The following SMYD4 variants were observed in gnomAD, a reference collection of about 807,000 sequenced individuals.
SMYD4 encodes the protein protein-lysine N-methyltransferase SMYD4.
A neutral mutation model predicts 72.8 loss-of-function variants in SMYD4; 68 were observed. The ratio of observed to expected loss-of-function variants is 0.93; its 90% CI spans 0.77 to 1.14. SMYD4 has a LOEUF of 1.14. Ranked by LOEUF, SMYD4 falls within the 50% of genes most tolerant of loss-of-function variation. The probability of loss-of-function intolerance (pLI) is 0.00; values close to 1 mark genes in which losing one functional copy is unlikely to be tolerated. For missense variants in SMYD4, 984 were observed against 1,003.7 expected (o/e 0.98, Z 0.27); for synonymous variants, 407 against 388.6 (o/e 1.05, Z -0.56).
intron 5 of SMYD4, among the ~76,000 whole-genome samples, chr17:1,797,981 G>A (rs1314423900): frequency 6.6e-6 from 1 of 151,728 alleles, no homozygotes; most frequent in Non-Finnish European, 1.5e-5. Flanking sequence ...CAGCCTGGGT[G>A]ACAGGGCAAC....
At chr17:1,799,769 T>C in intron 5 of SMYD4, 88 bp downstream of exon 5, 1 of 1,281,088 alleles carries the variant, frequency 7.8e-7, no homozygotes, top group Non-Finnish European at 1.0e-6. Context: ...TTTGTTTGAA[T>C]CCTATTTTCC....
chr17:1,783,650 GT>G, intron 8 of SMYD4, 174 bp from the exon 9 acceptor site: 1 of 1,208,324 alleles, frequency 8.3e-7, no homozygotes, highest in Non-Finnish European at 1.1e-6. Context: ...GTTTTCTTCT[GT>G]TTTCTCTGTC....
intron 2 of SMYD4, among the ~76,000 whole-genome samples, chr17:1,817,947 T>A (rs1910707360): frequency 6.8e-6 from 1 of 147,228 alleles, no homozygotes; most frequent in Non-Finnish European, 1.5e-5. Flanking sequence ...CTCGGGAGGC[T>A]GAGGCAGGAG....
rs780808950 is a variant in SMYD4, at chr17:1,816,619, C to CA, written c.135-4505dup. The stretch of plus-strand genomic sequence containing the variant: ...TGGGCGACAAAGCGAGACTCTGTCT[C>CA]AAAAAAAAAAAAAATTTTTTTTTAA... On this transcript the variant is annotated intron_variant, in intron 2 of 10. Transcript: ENST00000305513. Among the ~76,000 whole-genome samples, 1,345 of 136,730 alleles carry CA rather than the reference C, an allele frequency of 9.8e-3. 8 individuals carry two copies. The highest frequency in any genetic ancestry group is 0.025 in the African/African-American group (920 of 37,402). The allele number at this position is 136,730 out of a possible 152,430, so 89.7% of individuals were successfully genotyped here. A position where few individuals can be genotyped will look rare whatever the true frequency, so the allele number is the denominator to read the frequency against.
chr17:1,783,717 T>C, intron 8 of SMYD4: 1 of 596,792 alleles, frequency 1.7e-6, no homozygotes, highest in Non-Finnish European at 2.8e-6. Flanking sequence ...TTTTCAACAT[T>C]AACTTCCCAA....
intron 5 of SMYD4, among the ~76,000 whole-genome samples, chr17:1,793,662 A>G (rs965917996): frequency 6.6e-6 from 1 of 152,008 alleles, no homozygotes; most frequent in African/African-American, 2.4e-5. Context: ...GAGAAGCAGC[A>G]ATGTCAAGCT....
intron 5 of SMYD4, among the ~76,000 whole-genome samples, chr17:1,795,364 T>A (rs1371216821): frequency 6.6e-6 from 1 of 151,730 alleles, no homozygotes; most frequent in Non-Finnish European, 1.5e-5. Flanking sequence ...CTAAGAGACT[T>A]GCTCTGTCAC....
rs60740904 is a variant in SMYD4 at position 1,789,764 on chromosome 17, C to CAAAAAAAAAAAAAA, written c.1538-2174_1538-2161dup. 3.4e-4 allele frequency among the ~76,000 whole-genome samples: 31 copies of CAAAAAAAAAAAAAA among 90,118 alleles called. 1 individual carries two copies. Among genetic ancestry groups the CAAAAAAAAAAAAAA allele is most frequent in the African/African-American group, 1.1e-3 (30 of 26,990 alleles). The allele number at this position is 90,118 out of a possible 152,430, so 59.1% of individuals were successfully genotyped here. On this transcript the variant is annotated intron_variant, in intron 5 of 10. Coordinates refer to ENST00000305513, the MANE Select transcript of SMYD4 (RefSeq NM_052928.3). Reference sequence around the variant, plus strand: ...TGGGTGAAAGAGCGAGACTCTGTCTCAAAAAAAAAAAAAAAGTTTTATAAA... The same window carrying CAAAAAAAAAAAAAA: ...TGGGTGAAAGAGCGAGACTCTGTCTCAAAAAAAAAAAAAAAAAAAAAAAAAAAAAGTTTTATAAA...
Position 1,784,353 on chromosome 17 carries a change from G to A in SMYD4, c.1993C>T (p.Gln665Ter). ...QDLQQQVRVAQKLLRDGELER... is the reference protein window; with the variant it reads ...QDLQQQVRVA ...AGTTCACCATCTCTGAGAAGCTTCT[G>A]GGCCACTCTGACCTGCTGCTGTAGG... Residue 665 changes from glutamine to a stop codon, truncating the protein, a stop_gained, in exon 8 of 11, where the codon CAG (glutamine) becomes TAG (stop). Transcript: ENST00000305513. LOFTEE classifies it high-confidence loss of function. The A allele has an allele frequency of 3.1e-6, 5 of 1,614,216 alleles. No homozygotes were observed. Among genetic ancestry groups the A allele is most frequent in the Non-Finnish European group, 4.2e-6 (5 of 1,180,050 alleles).
At position 1,800,698 on chromosome 17, in the gene SMYD4, T is replaced by G; in HGVS notation, c.696A>C (p.Ser232=). Residue 232 remains serine (S), a synonymous_variant, in exon 5 of 11, where the codon TCA becomes TCC. Coordinates refer to ENST00000305513, the MANE Select transcript of SMYD4 (RefSeq NM_052928.3). ...REENEQLSNA[S]SSIGLCVDPL... ...GATCTACGCATAAGCCGATGGATGATGAGGCATTGGAAAGTTGTTCATTCT... is the reference window on the plus strand; with the variant it reads ...GATCTACGCATAAGCCGATGGATGAGGAGGCATTGGAAAGTTGTTCATTCT... The G allele has an allele frequency of 6.2e-7, 1 of 1,614,236 alleles. No homozygotes were observed. The highest frequency in any genetic ancestry group is 1.1e-5 in the South Asian group (1 of 91,084).
intron 1 of SMYD4, among the ~76,000 whole-genome samples, chr17:1,828,470 G>C (rs1911324983): frequency 6.6e-6 from 1 of 151,878 alleles, no homozygotes; most frequent in Non-Finnish European, 1.5e-5. Flanking sequence ...TTTTCTCACA[G>C]CAATTCACTC....
rs975940172 is a variant in SMYD4 at position 1,795,386 on chromosome 17, T to C, written c.1537+4471A>G. Among the ~76,000 whole-genome samples the C allele has an allele frequency of 1.2e-4, 18 of 151,128 alleles. No individual in the cohort carries two copies. The Admixed American group carries it at 1.2e-3, about 10-fold the overall frequency. On this transcript the variant is annotated intron_variant, in intron 5 of 10. Coordinates refer to ENST00000305513, the MANE Select transcript of SMYD4 (RefSeq NM_052928.3). The stretch of plus-strand genomic sequence containing the variant: ...ACTTGCTCTGTCACCCTGGCTGTAG[T>C]ACAGTGGCACGATCTCAGCTCTATC...
intron 5 of SMYD4, among the ~76,000 whole-genome samples, chr17:1,794,261 C>T (rs1008939120): frequency 6.8e-6 from 1 of 147,116 alleles, no homozygotes; most frequent in South Asian, 2.2e-4. Flanking sequence ...AGGCGCCCAC[C>T]ACCACACCAG....
At chr17:1,788,733 A>T (rs879857178) in intron 5 of SMYD4, among the ~76,000 whole-genome samples, 35 of 151,304 alleles carry the variant, frequency 2.3e-4, no homozygotes, top group Non-Finnish European at 4.9e-4. Context: ...CAAGAGTGAG[A>T]CCCCGCCTCC....
chr17:1,790,281 G>A (rs757917994), intron 5 of SMYD4, among the ~76,000 whole-genome samples: 65 of 152,146 alleles, frequency 4.3e-4, no homozygotes, highest in Admixed American at 4.6e-4. Context: ...CCCAGGAACC[G>A]TGTGGGTATT....
chr17:1,795,497 C>T (rs1235522113), intron 5 of SMYD4, among the ~76,000 whole-genome samples: 1 of 152,200 alleles, frequency 6.6e-6, no homozygotes, highest in Non-Finnish European at 1.5e-5. Context: ...GGCTGGAGTA[C>T]AGTGGCACGA....
At position 1,781,300 on chromosome 17, in the gene SMYD4, CT is replaced by C; in HGVS notation, c.2400del (p.Pro802LeufsTer10). 6.2e-7 allele frequency: 1 copy of C among 1,613,348 alleles called. No individual in the cohort carries two copies. The highest frequency in any genetic ancestry group is 8.5e-7 in the Non-Finnish European group (1 of 1,180,008). ...SCLLDLPPTPVGPAL is the reference protein window; with the variant it reads ...SCLLDLPPTPXGPAL ...CTCCTGGAACCCTACAATGCAGGCC[CT>C]ACAGGGGTGGGTGGTAAGTCCAACA... On this transcript the variant is annotated frameshift_variant, in exon 11 of 11. Transcript: ENST00000305513. LOFTEE classifies it high-confidence loss of function.
In SMYD4 at chr17:1,800,075, T is replaced by C. The variant is rs1909631038; in HGVS notation, c.1319A>G (p.Lys440Arg). Residue 440 changes from lysine to arginine, a missense_variant, in exon 5 of 11, where the codon AAA (lysine) becomes AGA (arginine). Lys to Arg is a conservative substitution (Grantham distance 26). Transcript: ENST00000305513. ...AGAAACACAGAGAGCACAGAGGAAT[T>C]TGTGCTCTGGGCTATGGTTTTCAGT... ...PHTENHSPEH[K>R]FLCALCVSAL... The C allele has an allele frequency of 6.2e-7, 1 of 1,612,066 alleles. No homozygotes were observed. The highest frequency in any genetic ancestry group is 1.1e-5 in the South Asian group (1 of 90,902).
intron 2 of SMYD4, among the ~76,000 whole-genome samples, chr17:1,818,050 A>AAAC (rs1222408773): frequency 6.6e-6 from 1 of 151,646 alleles, no homozygotes; most frequent in Non-Finnish European, 1.5e-5. Flanking sequence ...CTGTCTCAAA[A>AAAC]AAAAAAAAAA....
Sources: allele counts gnomAD v4.1 joint callset (sites outside exome capture counted in the v4.1 genomes callset), GRCh38; gene constraint gnomAD v4.1.1; transcripts MANE v1.5; gene names NCBI Gene and HGNC (gene_info 2026-07-23, HGNC 2026-07-21).